Variants in DYNLT2 observed in about 807,000 individuals in gnomAD.
DYNLT2 encodes dynein light chain Tctex-type 2, also known as dynein light chain Tctex-type protein 2.
A neutral mutation model predicts 24.3 loss-of-function variants in DYNLT2; 24 were observed. The ratio of observed to expected loss-of-function variants is 0.99; its 90% CI spans 0.71 to 1.39. The LOEUF (loss-of-function observed/expected upper bound fraction) is 1.39. Ranked by LOEUF, DYNLT2 falls within the 40% of genes most tolerant of loss-of-function variation. DYNLT2 has a pLI of 0.00. For synonymous variants in DYNLT2, 85 were observed against 85.4 expected (o/e 1.00, Z 0.03); for missense variants, 246 against 234.5 (o/e 1.05, Z -0.32).
intron 1 of DYNLT2, chr6:169,751,022 T>C (rs1790015515): frequency 3.7e-6 from 1 of 273,460 alleles, no homozygotes; most frequent in Non-Finnish European, 6.9e-6. Flanking sequence ...AAAGCAATAA[T>C]ACTCAGAGTA....
chr6:169,731,974 TGA>T, the DYNLT2 span, among the ~76,000 whole-genome samples: 1 of 152,228 alleles, frequency 6.6e-6, no homozygotes, highest in Non-Finnish European at 1.5e-5. Context: ...AGTCTATCTA[TGA>T]GGCAGTCAAC....
downstream of DYNLT2, among the ~76,000 whole-genome samples, chr6:169,739,906 CTACTA>C (rs371396664): frequency 8.1e-4 from 123 of 152,158 alleles, 1 homozygote; most frequent in South Asian, 6.0e-3. Flanking sequence ...TCCCTATACT[CTACTA>C]TAAGAATTTG....
chr6:169,739,499 G>C (rs1789630652), downstream of DYNLT2, among the ~76,000 whole-genome samples: 1 of 152,162 alleles, frequency 6.6e-6, no homozygotes, highest in African/African-American at 2.4e-5. Flanking sequence ...GGGAGAATGG[G>C]AAGTTGGAGA....
At position 169,740,443 on chromosome 6, in the gene DYNLT2, A is replaced by G. The variant is rs1424716726; in HGVS notation, c.487-148T>C. The G allele has an allele frequency of 9.8e-6, 6 of 613,932 alleles. No individual in the cohort carries two copies. The African/African-American group carries it at 1.1e-4, about 11-fold the overall frequency. The allele number at this position is 613,932 out of a possible 1,614,324, so 38.0% of individuals were successfully genotyped here. A position where few individuals can be genotyped will look rare whatever the true frequency, so the allele number is the denominator to read the frequency against. ...ATTTGTCTGGTTTTCCCTTTCATAA[A>G]GAGCCTGGAGAATGACGCTGCCCCA... On this transcript the variant is annotated intron_variant, in intron 3 of 3. Coordinates refer to ENST00000366774, the MANE Select transcript of DYNLT2 (RefSeq NM_174910.3).
intron 1 of DYNLT2, among the ~76,000 whole-genome samples, chr6:169,747,942 C>T (rs1789847169): frequency 6.6e-6 from 1 of 152,160 alleles, no homozygotes; most frequent in Non-Finnish European, 1.5e-5. Flanking sequence ...ACAGTTTAAT[C>T]CTCTTTAGCC....
At chr6:169,731,590 T>C in the DYNLT2 span, among the ~76,000 whole-genome samples, 1 of 152,088 alleles carries the variant, frequency 6.6e-6, no homozygotes, top group African/African-American at 2.4e-5. Context: ...TTCACCACAA[T>C]ACAATCTGCA....
At chr6:169,747,319 T>C (rs1047274230) in intron 1 of DYNLT2, among the ~76,000 whole-genome samples, 2 of 152,232 alleles carry the variant, frequency 1.3e-5, no homozygotes, top group Non-Finnish European at 2.9e-5. Context: ...TGGAGTTCAC[T>C]GAGCCTCTTA....
At position 169,744,280 on chromosome 6, in the gene DYNLT2, G is replaced by A. The variant is rs1789745676; in HGVS notation, c.121-6C>T. On this transcript the variant is annotated splice_polypyrimidine_tract_variant and splice_region_variant and intron_variant, in intron 1 of 3. Transcript: ENST00000366774. ...TCTCTTAAAATCTGTGTATACTGGAGGAGAAAGAGAGAGGGGAAGAGAGAA... is the reference window on the plus strand; with the variant it reads ...TCTCTTAAAATCTGTGTATACTGGAAGAGAAAGAGAGAGGGGAAGAGAGAA... The A allele has an allele frequency of 1.2e-6, 2 of 1,610,108 alleles. No individual in the cohort carries two copies. Among genetic ancestry groups the A allele is most frequent in the Admixed American group, 1.7e-5 (1 of 59,762 alleles).
chr6:169,743,950 TG>T, intron 2 of DYNLT2, 117 bp downstream of exon 2: 2 of 921,490 alleles, frequency 2.2e-6, no homozygotes, highest in Non-Finnish European at 1.6e-6. Context: ...CAATACCTTC[TG>T]GTTCTAGTGA....
intron 1 of DYNLT2, chr6:169,749,381 G>A (rs1436696179): frequency 2.0e-5 from 3 of 152,228 alleles, no homozygotes; most frequent in African/African-American, 4.8e-5. Context: ...TTACATGCAT[G>A]GGCCACTGCA....
At chr6:169,735,648 CTG>C (rs552719084), downstream of DYNLT2, among the ~76,000 whole-genome samples, 30 of 152,116 alleles carry the variant, frequency 2.0e-4, no homozygotes, top group Non-Finnish European at 4.3e-4. Flanking sequence ...GTCTGAAAGA[CTG>C]TTTGTTATGA....
chr6:169,737,599 G>T (rs1789587960), downstream of DYNLT2, among the ~76,000 whole-genome samples: 1 of 152,068 alleles, frequency 6.6e-6, no homozygotes, highest in Admixed American at 6.6e-5. Flanking sequence ...GTTTGCTGGG[G>T]TGAATGGCCC....
At chr6:169,746,678 T>G (rs1482324301) in intron 1 of DYNLT2, among the ~76,000 whole-genome samples, 1 of 152,120 alleles carries the variant, frequency 6.6e-6, no homozygotes, top group Non-Finnish European at 1.5e-5. Context: ...TTGTTGTTTT[T>G]AGTATGCCTA....
intron 1 of DYNLT2, among the ~76,000 whole-genome samples, chr6:169,746,287 T>C (rs1296221555): frequency 6.6e-5 from 10 of 152,100 alleles, no homozygotes; most frequent in African/African-American, 2.4e-4. Flanking sequence ...TCTTCTTGGA[T>C]TTAATTTGTT....
downstream of DYNLT2, chr6:169,739,110 A>C (rs1249268585): frequency 6.6e-6 from 1 of 152,004 alleles, no homozygotes; most frequent in African/African-American, 2.4e-5. Flanking sequence ...GATGAAAATC[A>C]TACTGATTAT....
chr6:169,736,110 G>T (rs1435034010), downstream of DYNLT2, among the ~76,000 whole-genome samples: 2 of 148,896 alleles, frequency 1.3e-5, no homozygotes, highest in Non-Finnish European at 3.0e-5. Flanking sequence ...CCCCTGTTTT[G>T]TTGTTGTTGT....
chr6:169,736,259 C>G (rs1457109442), downstream of DYNLT2, among the ~76,000 whole-genome samples: 3 of 151,880 alleles, frequency 2.0e-5, no homozygotes, highest in African/African-American at 7.3e-5. Flanking sequence ...CAGGTGTTGA[C>G]TCGTTATCCA....
At chr6:169,732,699 G>A in the DYNLT2 span, among the ~76,000 whole-genome samples, 2 of 152,262 alleles carry the variant, frequency 1.3e-5, no homozygotes, top group East Asian at 1.9e-4. Flanking sequence ...GGGCATTTAG[G>A]TTAGTTCCAT....
intron 3 of DYNLT2, among the ~76,000 whole-genome samples, chr6:169,741,407 C>T (rs1789675961): frequency 6.6e-6 from 1 of 152,158 alleles, no homozygotes; most frequent in South Asian, 2.1e-4. Context: ...CAGAAGCCAT[C>T]TTGGACCTGC....
Sources: allele counts gnomAD v4.1 joint callset (sites outside exome capture counted in the v4.1 genomes callset), GRCh38; gene constraint gnomAD v4.1.1; transcripts MANE v1.5; gene names NCBI Gene and HGNC (gene_info 2026-07-23, HGNC 2026-07-21).